ZNF675: variants seen among roughly 807,000 people sequenced by gnomAD.
ZNF675 encodes the protein zinc finger protein 675.
A neutral mutation model predicts 56.1 loss-of-function variants in ZNF675; 36 were observed. That is an observed-to-expected ratio of 0.64 (90% CI 0.49 to 0.85). The LOEUF is 0.85. Among genes scored for constraint, ZNF675 ranks in the 40% least tolerant of loss-of-function variants. ZNF675 has a pLI of 0.00. For missense variants in ZNF675, 663 were observed against 654.2 expected (o/e 1.01, Z -0.15); for synonymous variants, 200 against 218.9 (o/e 0.91, Z 0.76).
At chr19:23,668,628 G>A (rs1029407204) in intron 1 of ZNF675, among the ~76,000 whole-genome samples, 1 of 152,258 alleles carries the variant, frequency 6.6e-6, no homozygotes, top group Non-Finnish European at 1.5e-5. Context: ...ACGGAGGCGA[G>A]GGAAGACTCA....
At position 23,669,326 on chromosome 19, in the gene ZNF675, T is replaced by C. The variant is rs530494137; in HGVS notation, c.4-6168A>G. 9.8e-4 allele frequency among the ~76,000 whole-genome samples: 149 copies of C among 152,210 alleles called. 1 individual carries two copies. The highest frequency in any genetic ancestry group is 1.5e-3 in the Non-Finnish European group (101 of 68,020). On this transcript the variant is annotated intron_variant, in intron 1 of 3. Coordinates refer to ENST00000359788, the MANE Select transcript of ZNF675 (RefSeq NM_138330.3). ...CAGTTCGCCCAGGGTGAATCACATG[T>C]TTCAGGTGACTTAAACCTTCTTTTC... is the stretch of plus-strand genomic sequence containing the variant.
intron 1 of ZNF675, among the ~76,000 whole-genome samples, chr19:23,667,106 G>A (rs1458235125): frequency 6.6e-6 from 1 of 151,946 alleles, no homozygotes; most frequent in Non-Finnish European, 1.5e-5. Context: ...CTTCCTTCTG[G>A]TGGGTTCGTG....
chr19:23,683,424 T>C (rs995862398), intron 1 of ZNF675, among the ~76,000 whole-genome samples: 10 of 148,742 alleles, frequency 6.7e-5, no homozygotes, highest in African/African-American at 2.6e-4. Flanking sequence ...ATTTAATTTT[T>C]ACAGCCAAAA....
chr19:23,673,966 G>A (rs1968258299), intron 1 of ZNF675, among the ~76,000 whole-genome samples: 1 of 151,984 alleles, frequency 6.6e-6, no homozygotes, highest in South Asian at 2.1e-4. Context: ...ACTTTGGGAG[G>A]TTGAGGTGGG....
chr19:23,663,317 A>G (rs538722192), intron 1 of ZNF675, among the ~76,000 whole-genome samples, 159 bp from the exon 2 acceptor site: 50 of 152,352 alleles, frequency 3.3e-4, no homozygotes, highest in South Asian at 4.1e-4. Flanking sequence ...AATATTTCCT[A>G]ATGTGTTCTC....
In ZNF675 at chr19:23,653,688, C is replaced by A; in HGVS notation, c.1245G>T (p.Lys415Asn). ...FKHSSALTTH[K>N]RIHTGEKPYK... ...AGGGTTTCTCTCCAGTGTGAATTCT[C>A]TTATGTGTAGTAAGGGCTGAGGAGT... is the stretch of plus-strand genomic sequence containing the variant. The change falls in exon 4 of 4, where the codon AAG (lysine) becomes AAT (asparagine). Residue 415 changes from lysine (K) to asparagine (N), a missense_variant. This residue lies in a region of ZNF675 where 617 missense variants were observed against 590.5 expected (regional missense o/e 1.04). Coordinates refer to ENST00000359788, the MANE Select transcript of ZNF675 (RefSeq NM_138330.3). The A allele has an allele frequency of 3.1e-6, 5 of 1,611,694 alleles. No individual in the cohort carries two copies. Among genetic ancestry groups the A allele is most frequent in the Non-Finnish European group, 4.2e-6 (5 of 1,179,478 alleles).
Position 23,654,531 on chromosome 19 carries a change from T to C in ZNF675, c.402A>G (p.Gln134=), listed in dbSNP as rs143447421. The change falls in exon 4 of 4, where the codon CAA becomes CAG. Residue 134 remains glutamine (Q), a synonymous_variant. Coordinates refer to ENST00000359788, the MANE Select transcript of ZNF675 (RefSeq NM_138330.3). ...TTTTGCTCTGCATAGTTGGTAAACA[T>C]TGGTTAAGTCCATTATAACCTCCCT... The part of the protein sequence containing the change: ...LHKGGYNGLN[Q]CLPTMQSKMF... 2.1e-5 allele frequency: 33 copies of C among 1,606,012 alleles called. No individual in the cohort carries two copies. The highest frequency in any genetic ancestry group is 5.1e-5 in the Admixed American group (3 of 58,380).
chr19:23,662,020 G>A (rs1180910799), intron 3 of ZNF675, 94 bp downstream of exon 3: 10 of 900,634 alleles, frequency 1.1e-5, no homozygotes, highest in East Asian at 2.5e-5. Context: ...TTAAAACACG[G>A]CTTCCCAAAT....
chr19:23,681,574 G>A (rs1968377052), intron 1 of ZNF675, among the ~76,000 whole-genome samples: 1 of 151,538 alleles, frequency 6.6e-6, no homozygotes, highest in African/African-American at 2.4e-5. Flanking sequence ...AGAGTTTACT[G>A]AACACCAAGC....
At chr19:23,660,379 G>C (rs185397569) in intron 3 of ZNF675, among the ~76,000 whole-genome samples, 35 of 152,288 alleles carry the variant, frequency 2.3e-4, no homozygotes, top group South Asian at 2.1e-4. Context: ...GAAAGTATTG[G>C]CAGAAGAATT....
chr19:23,679,606 A>T (rs1968348420), intron 1 of ZNF675, among the ~76,000 whole-genome samples: 1 of 151,656 alleles, frequency 6.6e-6, no homozygotes. Flanking sequence ...AAATATTTGC[A>T]AACTATGCTT....
chr19:23,653,922 T>G lies in ZNF675; in HGVS notation c.1011A>C (p.Glu337Asp). ...CACATTCTTCACATTTGTAGGGTTT[T>G]TCTCCAGTATGAATTCTCTTATGTG... ...LTTHKRIHTG[E>D]KPYKCEECGK... The change falls in exon 4 of 4, where the codon GAA becomes GAC. Residue 337 changes from glutamate (E) to aspartate (D), a missense_variant. This residue lies in a region of ZNF675 where 617 missense variants were observed against 590.5 expected (regional missense o/e 1.04). Coordinates refer to ENST00000359788, the MANE Select transcript of ZNF675 (RefSeq NM_138330.3). The G allele has an allele frequency of 6.2e-7, 1 of 1,612,008 alleles. No homozygotes were observed. The highest frequency in any genetic ancestry group is 8.5e-7 in the Non-Finnish European group (1 of 1,179,102).
chr19:23,668,496 G>A (rs1330652567), intron 1 of ZNF675, among the ~76,000 whole-genome samples: 9 of 8,172 alleles, frequency 1.1e-3, no homozygotes, highest in Non-Finnish European at 0.028. Context: ...GCTGCAGGTG[G>A]AGCTGCCTGC....
At chr19:23,666,343 T>C (rs896142907) in intron 1 of ZNF675, among the ~76,000 whole-genome samples, 45 of 152,334 alleles carry the variant, frequency 3.0e-4, no homozygotes, top group African/African-American at 1.0e-3. Context: ...TTGCAGAGGA[T>C]TGTGACCTTT....
At chr19:23,676,364 T>C (rs1968294567) in intron 1 of ZNF675, among the ~76,000 whole-genome samples, 1 of 148,252 alleles carries the variant, frequency 6.7e-6, no homozygotes, top group Admixed American at 6.8e-5. Context: ...AACAGCATCA[T>C]TCTGATACCA....
At chr19:23,684,781 C>A (rs899581722) in intron 1 of ZNF675, among the ~76,000 whole-genome samples, 1 of 152,182 alleles carries the variant, frequency 6.6e-6, no homozygotes, top group Non-Finnish European at 1.5e-5. Flanking sequence ...TCAGTGACTG[C>A]CCCAAGTGCA....
At chr19:23,667,760 C>T (rs1416466709) in intron 1 of ZNF675, among the ~76,000 whole-genome samples, 1 of 147,614 alleles carries the variant, frequency 6.8e-6, no homozygotes, top group Non-Finnish European at 1.5e-5. Flanking sequence ...AGAGTGCCGA[C>T]TGGTGTGTTT....
intron 1 of ZNF675, among the ~76,000 whole-genome samples, chr19:23,684,467 A>G (rs1248838504): frequency 6.6e-6 from 1 of 151,216 alleles, no homozygotes; most frequent in East Asian, 2.0e-4. Flanking sequence ...CAACACGGGA[A>G]AACCCCGTTT....
At chr19:23,663,406 A>G (rs1968107862) in intron 1 of ZNF675, among the ~76,000 whole-genome samples, 1 of 152,102 alleles carries the variant, frequency 6.6e-6, no homozygotes, top group African/African-American at 2.4e-5. Flanking sequence ...TAACATATAT[A>G]ATAGGTCAGG....
Sources: allele counts gnomAD v4.1 joint callset (sites outside exome capture counted in the v4.1 genomes callset), GRCh38; gene constraint gnomAD v4.1.1; regional missense constraint gnomAD v4.1.1; transcripts MANE v1.5; gene names NCBI Gene and HGNC (gene_info 2026-07-23, HGNC 2026-07-21).